SORCS3: variants seen among roughly 807,000 people sequenced by gnomAD.
SORCS3 encodes sortilin related VPS10 domain containing receptor 3.
A neutral mutation model predicts 146.3 loss-of-function variants in SORCS3; 57 were observed. The ratio of observed to expected loss-of-function variants is 0.39; its 90% confidence interval spans 0.31 to 0.49. The LOEUF (loss-of-function observed/expected upper bound fraction) is 0.49, where lower values mean the gene tolerates loss of function less well. SORCS3 is among the 20% of genes least tolerant of loss of function. The pLI is 0.92. For missense variants in SORCS3, 1,341 were observed against 1,575.5 expected (o/e 0.85, Z 2.52); for synonymous variants, 653 against 618.5 (o/e 1.06, Z -0.83).
chr10:104,833,428 A>G (rs117426274), intron 1 of SORCS3, among the ~76,000 whole-genome samples: 603 of 152,200 alleles, frequency 4.0e-3, no homozygotes, highest in Non-Finnish European at 5.9e-3. Context: ...GGAAGCCTCA[A>G]TCTCTGCCAC....
chr10:104,657,505 A>T (rs940631829), intron 1 of SORCS3, among the ~76,000 whole-genome samples: 1 of 152,202 alleles, frequency 6.6e-6, no homozygotes, highest in Non-Finnish European at 1.5e-5. Context: ...GGATGGACTT[A>T]GGAGTGTTTT....
At position 104,712,654 on chromosome 10, in the gene SORCS3, C is replaced by A. The variant is rs151139904; in HGVS notation, c.627+70700C>A. Among the ~76,000 whole-genome samples, 796 of 152,264 alleles carry A rather than the reference C, an allele frequency of 5.2e-3. 5 individuals carry two copies. The highest frequency in any genetic ancestry group is 0.025 in the South Asian group (119 of 4,820). ...CTAGGGAAGGAAGAGACAGAGGAGG[C>A]CTCCATCTTGTAACAACAGTAAGTG... On this transcript the variant is annotated intron_variant, in intron 1 of 26. Coordinates refer to ENST00000369701, the MANE Select transcript of SORCS3 (RefSeq NM_014978.3).
At chr10:104,920,061 C>T (rs1024568104) in intron 3 of SORCS3, among the ~76,000 whole-genome samples, 4 of 152,202 alleles carry the variant, frequency 2.6e-5, no homozygotes, top group Admixed American at 2.6e-4. Context: ...ATACTCATCT[C>T]AGCTTGTGTT....
intron 1 of SORCS3, among the ~76,000 whole-genome samples, chr10:104,698,704 C>T (rs1355281628): frequency 2.6e-5 from 4 of 152,036 alleles, no homozygotes; most frequent in Admixed American, 2.0e-4. Flanking sequence ...TAGAGAAGGC[C>T]AGAACTTTGC....
chr10:105,047,778 G>T (rs1477640066), intron 5 of SORCS3, among the ~76,000 whole-genome samples: 1 of 152,062 alleles, frequency 6.6e-6, no homozygotes, highest in Non-Finnish European at 1.5e-5. Flanking sequence ...CACACTATGG[G>T]TTTCTAGTGG....
chr10:104,685,863 A>G (rs188081644), intron 1 of SORCS3, among the ~76,000 whole-genome samples: 70 of 152,260 alleles, frequency 4.6e-4, no homozygotes, highest in African/African-American at 1.6e-3. Context: ...AGGGAGTGGA[A>G]CATCCCCTAG....
chr10:104,767,378 G>A (rs1288287453), intron 1 of SORCS3, among the ~76,000 whole-genome samples: 1 of 152,104 alleles, frequency 6.6e-6, no homozygotes, highest in African/African-American at 2.4e-5. Flanking sequence ...AGGAGCCTTG[G>A]GACTGCTAGC....
chr10:104,689,215 GGACT>G (rs1364100980), intron 1 of SORCS3, among the ~76,000 whole-genome samples: 1 of 152,172 alleles, frequency 6.6e-6, no homozygotes, highest in Non-Finnish European at 1.5e-5. Flanking sequence ...CACACCTCCA[GGACT>G]GTGTACCTTC....
At chr10:104,678,812 G>A (rs1451550236) in intron 1 of SORCS3, among the ~76,000 whole-genome samples, 1 of 152,186 alleles carries the variant, frequency 6.6e-6, no homozygotes, top group Non-Finnish European at 1.5e-5. Context: ...CCATCACAAA[G>A]CCCTGCTCTG....
intron 2 of SORCS3, among the ~76,000 whole-genome samples, chr10:104,863,706 G>A (rs1422264302): frequency 6.6e-6 from 1 of 152,174 alleles, no homozygotes; most frequent in African/African-American, 2.4e-5. Context: ...GCATCAGGTA[G>A]CTTCATATGG....
At chr10:105,170,977 G>C in intron 13 of SORCS3, among the ~76,000 whole-genome samples, 1 of 152,170 alleles carries the variant, frequency 6.6e-6, no homozygotes, top group East Asian at 1.9e-4. Context: ...AGATAGGTTA[G>C]GTAATCAGTT....
At chr10:104,716,379 G>A (rs910248796) in intron 1 of SORCS3, among the ~76,000 whole-genome samples, 2 of 152,098 alleles carry the variant, frequency 1.3e-5, no homozygotes, top group African/African-American at 4.8e-5. Flanking sequence ...GTTGAGTGAT[G>A]GGGTGCATAA....
At chr10:104,734,213 G>A in intron 1 of SORCS3, among the ~76,000 whole-genome samples, 1 of 152,180 alleles carries the variant, frequency 6.6e-6, no homozygotes, top group Non-Finnish European at 1.5e-5. Flanking sequence ...ACCTAGCTCA[G>A]TGTGCTCTAA....
At chr10:104,668,427 C>T (rs1349130150) in intron 1 of SORCS3, among the ~76,000 whole-genome samples, 1 of 152,086 alleles carries the variant, frequency 6.6e-6, no homozygotes, top group Non-Finnish European at 1.5e-5. Context: ...GTGAGAGAGA[C>T]AAGAGTTTGA....
chr10:104,645,369 G>A (rs960011528), intron 1 of SORCS3, among the ~76,000 whole-genome samples: 5 of 152,160 alleles, frequency 3.3e-5, no homozygotes, highest in Non-Finnish European at 7.4e-5. Context: ...AAGCCTCCCT[G>A]CTTGCTCAGT....
intron 1 of SORCS3, among the ~76,000 whole-genome samples, chr10:104,648,670 G>A (rs562632380): frequency 7.2e-5 from 11 of 152,304 alleles, no homozygotes; most frequent in African/African-American, 2.6e-4. Flanking sequence ...GAGTTAGTGA[G>A]TGAATCAAGC....
Position 104,641,655 on chromosome 10 carries a change from C to A in SORCS3, c.328C>A (p.Pro110Thr), listed in dbSNP as rs866935751. 2.0e-6 allele frequency: 3 copies of A among 1,527,576 alleles called. No individual in the cohort carries two copies. The highest frequency in any genetic ancestry group is 1.8e-6 in the Non-Finnish European group (2 of 1,142,162). 94.6% of individuals were successfully genotyped at this position (1,527,576 alleles called of 1,614,324 possible). ...EMQVEAGGTS[P>T]AGERRGRGIP... The stretch of plus-strand genomic sequence containing the variant: ...GCAGGTGGAAGCCGGAGGGACATCA[C>A]CGGCAGGCGAGCGGCGGGGCCGGGG... The change falls in exon 1 of 27, where the codon CCG becomes ACG. Residue 110 changes from proline to threonine, a missense_variant. Transcript: ENST00000369701. The surrounding 1 kb of genome is among the most constrained non-coding windows in gnomAD (Gnocchi z 6.4).
In SORCS3 at chr10:105,262,483, G is replaced by T; in HGVS notation, c.3596G>T (p.Arg1199Leu). 6.2e-7 allele frequency: 1 copy of T among 1,613,308 alleles called. No homozygotes were observed. The highest frequency in any genetic ancestry group is 8.5e-7 in the Non-Finnish European group (1 of 1,179,710). Reference sequence around the variant, plus strand: ...CTGCTGGACAAAGAGCTGGACACGCGGGTCATAGGTACATGCTCCTGCTCC... The same window carrying T: ...CTGCTGGACAAAGAGCTGGACACGCTGGTCATAGGTACATGCTCCTGCTCC... ...EELLDKELDT[R>L]VIGGIATIAN... Residue 1199 changes from arginine (R) to leucine (L), a missense_variant, in exon 26 of 27, where the codon CGG becomes CTG. Arg to Leu is a moderately radical substitution (Grantham distance 102). Transcript: ENST00000369701.
At chr10:104,711,691 G>T (rs2016418198) in intron 1 of SORCS3, among the ~76,000 whole-genome samples, 1 of 152,226 alleles carries the variant, frequency 6.6e-6, no homozygotes, top group African/African-American at 2.4e-5. Context: ...CATAGAGACA[G>T]ATTCAAGGTG....
Sources: allele counts gnomAD v4.1 joint callset (sites outside exome capture counted in the v4.1 genomes callset), GRCh38; gene constraint gnomAD v4.1.1; non-coding constraint Gnocchi (gnomAD v3.1); transcripts MANE v1.5; gene names NCBI Gene and HGNC (gene_info 2026-07-23, HGNC 2026-07-21).